The following CEP89 variants were observed in gnomAD, a reference collection of about 807,000 sequenced individuals.
CEP89 encodes the protein centrosomal protein of 89 kDa.
Under a neutral mutation model 97.6 loss-of-function variants are expected in CEP89, and 95 were observed. The ratio of observed to expected loss-of-function variants is 0.97; its 90% CI spans 0.82 to 1.15. The LOEUF (loss-of-function observed/expected upper bound fraction) is 1.15. Ranked by LOEUF, CEP89 falls within the 50% of genes most tolerant of loss-of-function variation. The pLI, the probability that CEP89 is intolerant of heterozygous loss-of-function variation, is 0.00. For synonymous variants in CEP89, 354 were observed against 349.1 expected, an observed-to-expected ratio of 1.01 and a Z score of -0.16; for missense variants, 869 against 947.7, an observed-to-expected ratio of 0.92 and a Z score of 1.09.
intron 13 of CEP89, chr19:32,917,812 C>A: frequency 1.0e-6 from 1 of 984,964 alleles, no homozygotes; most frequent in South Asian, 4.7e-5. Context: ...GCCCGCAGCT[C>A]TGAAGGAAGG....
chr19:32,935,007 G>C (rs1238102891), intron 7 of CEP89, among the ~76,000 whole-genome samples: 1 of 152,226 alleles, frequency 6.6e-6, no homozygotes, highest in Non-Finnish European at 1.5e-5. Context: ...AGCAGCTGAT[G>C]AGCTGTTGAG....
intron 14 of CEP89, among the ~76,000 whole-genome samples, chr19:32,913,003 A>G (rs1030930048): frequency 2.6e-5 from 4 of 151,260 alleles, no homozygotes; most frequent in African/African-American, 7.3e-5. Context: ...AGATAGCGCT[A>G]CTGCACTCCA....
chr19:32,950,323 C>T (rs1340810763), intron 4 of CEP89, among the ~76,000 whole-genome samples: 1 of 152,248 alleles, frequency 6.6e-6, no homozygotes, highest in South Asian at 2.1e-4. Context: ...CTTTGGGAGG[C>T]TAAGGCAGGC....
At chr19:32,956,230 AT>A (rs1971045537) in intron 3 of CEP89, among the ~76,000 whole-genome samples, 1 of 150,850 alleles carries the variant, frequency 6.6e-6, no homozygotes, top group African/African-American at 2.4e-5. Flanking sequence ...AATTTTTTGT[AT>A]TTTTAGTAAA....
At chr19:32,954,311 T>G (rs1042358371) in intron 3 of CEP89, among the ~76,000 whole-genome samples, 2 of 152,204 alleles carry the variant, frequency 1.3e-5, no homozygotes, top group African/African-American at 2.4e-5. Flanking sequence ...GTTTCTGTTT[T>G]TAGAGTTACT....
At chr19:32,933,743 GT>G (rs1288297767) in intron 7 of CEP89, 74 bp from the exon 8 acceptor site, 1 of 1,042,846 alleles carries the variant, frequency 9.6e-7, no homozygotes, top group Admixed American at 1.8e-5. Flanking sequence ...AACTGACTTT[GT>G]TCCAAAAACC....
At chr19:32,923,387 T>G in intron 12 of CEP89, 52 bp downstream of exon 12, 1 of 846,398 alleles carries the variant, frequency 1.2e-6, no homozygotes, top group South Asian at 1.6e-5. Context: ...CATATTTTCC[T>G]GTTACCATTT....
intron 7 of CEP89, among the ~76,000 whole-genome samples, chr19:32,935,882 C>A (rs1970570129): frequency 6.6e-6 from 1 of 152,180 alleles, no homozygotes; most frequent in Non-Finnish European, 1.5e-5. Context: ...CTCCGAAGTG[C>A]CTGATCCCAC....
intron 14 of CEP89, among the ~76,000 whole-genome samples, chr19:32,903,774 C>T (rs952773558): frequency 1.3e-4 from 20 of 152,144 alleles, no homozygotes; most frequent in African/African-American, 4.6e-4. Flanking sequence ...ACAGAAGAGA[C>T]CGTTCAAGAA....
intron 5 of CEP89, among the ~76,000 whole-genome samples, chr19:32,946,448 T>C (rs1297571140): frequency 6.6e-6 from 1 of 152,172 alleles, no homozygotes; most frequent in Non-Finnish European, 1.5e-5. Context: ...TGGCATGTGT[T>C]GTGAGATGAA....
intron 10 of CEP89, 115 bp from the exon 11 acceptor site, chr19:32,926,388 G>C: frequency 1.3e-6 from 1 of 774,116 alleles, no homozygotes; most frequent in East Asian, 2.5e-5. Context: ...GGTTGCAGTT[G>C]TTATTGTTTT....
At chr19:32,887,062 T>A (rs75090406) in intron 17 of CEP89, among the ~76,000 whole-genome samples, 15,703 of 149,424 alleles carry the variant, frequency 0.11, 1,043 homozygotes, top group East Asian at 0.26. Context: ...ACCATGGTGC[T>A]TGCCTGTAGT....
intron 2 of CEP89, among the ~76,000 whole-genome samples, chr19:32,965,113 A>C (rs905032441): frequency 6.6e-6 from 1 of 152,090 alleles, no homozygotes; most frequent in Non-Finnish European, 1.5e-5. Flanking sequence ...AGGATTTGCT[A>C]TGTTGCCCAG....
intron 14 of CEP89, among the ~76,000 whole-genome samples, chr19:32,913,002 T>TA (rs1172262959): frequency 6.6e-6 from 1 of 150,782 alleles, no homozygotes; most frequent in Non-Finnish European, 1.5e-5. Flanking sequence ...GAGATAGCGC[T>TA]ACTGCACTCC....
Position 32,971,821 on chromosome 19 carries a change from C to T in CEP89, c.39+15G>A, listed in dbSNP as rs754847206. On this transcript the variant is annotated intron_variant, in intron 1 of 18. Transcript: ENST00000305768. ...CCCACAGAGCCCCACGCGCGGCGGGCGAGCATCTACTTACGAAATGACTCC... is the reference window on the plus strand; with the variant it reads ...CCCACAGAGCCCCACGCGCGGCGGGTGAGCATCTACTTACGAAATGACTCC... The T allele has an allele frequency of 5.0e-6, 8 of 1,589,144 alleles. No individual in the cohort carries two copies. Among genetic ancestry groups the T allele is most frequent in the Non-Finnish European group, 5.1e-6 (6 of 1,167,006 alleles).
chr19:32,965,820 C>T (rs1971270484), intron 2 of CEP89, among the ~76,000 whole-genome samples: 2 of 151,876 alleles, frequency 1.3e-5, no homozygotes, highest in Non-Finnish European at 2.9e-5. Context: ...GAGTTTGAGA[C>T]CAGTCTGGCC....
Position 32,949,374 on chromosome 19 carries a change from T to C in CEP89, c.493-1006A>G, listed in dbSNP as rs1599768570. Among the ~76,000 whole-genome samples the C allele has an allele frequency of 2.0e-5, 3 of 151,732 alleles. No individual in the cohort carries two copies. The East Asian group carries it at 5.8e-4, about 29-fold the overall frequency. On this transcript the variant is annotated intron_variant, in intron 4 of 18. Transcript: ENST00000305768. ...TGCCTAAGAGGAAGAGAAAGAACAG[T>C]GAAGCAGGTCTTTTTTTTTTTCTTT...
In CEP89 at chr19:32,891,566, T is replaced by C. The variant is rs2041796411; in HGVS notation, c.1876-3725A>G. ...CCTGAAAAAGAATTAAAAATAATGA[T>C]ATTAAAGAAGCTCAGTAAAATATAA... On this transcript the variant is annotated intron_variant, in intron 16 of 18. Coordinates refer to ENST00000305768, the MANE Select transcript of CEP89 (RefSeq NM_032816.5). 2.0e-5 allele frequency among the ~76,000 whole-genome samples: 3 copies of C among 151,966 alleles called. 1 individual carries two copies. In the South Asian group the frequency reaches 6.2e-4, roughly 32 times the overall value.
intron 16 of CEP89, among the ~76,000 whole-genome samples, chr19:32,888,742 A>C (rs1185764668): frequency 6.6e-6 from 1 of 152,054 alleles, no homozygotes; most frequent in African/African-American, 2.4e-5. Context: ...AATGTAATAA[A>C]TGCAAGATGG....
Sources: gnomAD v4.1 joint callset for allele counts (sites outside exome capture counted in the v4.1 genomes callset) on GRCh38, gnomAD v4.1.1 for gene constraint, MANE v1.5 for transcripts, NCBI Gene and HGNC (gene_info 2026-07-23, HGNC 2026-07-21) for gene names.